APBB2: variants seen among roughly 807,000 people sequenced by gnomAD.
APBB2 encodes the protein amyloid beta precursor protein binding family B member 2.
APBB2 carries 38 observed loss-of-function variants against 82.5 expected under a neutral mutation model. That is an observed-to-expected ratio of 0.46 (90% CI 0.36 to 0.60). The LOEUF is 0.60. Among genes scored for constraint, APBB2 ranks in the 20% least tolerant of loss-of-function variants. APBB2 has a pLI of 0.00. For missense variants in APBB2, 772 were observed against 972.3 expected (o/e 0.79, Z 2.74); for synonymous variants, 341 against 368.2 (o/e 0.93, Z 0.85).
intron 12 of APBB2, among the ~76,000 whole-genome samples, chr4:40,843,376 C>T (rs1756521976): frequency 1.3e-5 from 2 of 152,174 alleles, no homozygotes; most frequent in African/African-American, 4.8e-5. Context: ...GGAAGAGCTG[C>T]TCACCCTGAG....
intron 1 of APBB2, among the ~76,000 whole-genome samples, chr4:41,144,437 T>C (rs1386884074): frequency 6.6e-6 from 1 of 152,266 alleles, no homozygotes; most frequent in Non-Finnish European, 1.5e-5. Flanking sequence ...AATGGAAAGC[T>C]ATTTGTATTT....
At chr4:40,951,643 T>C (rs1790200915) in intron 6 of APBB2, among the ~76,000 whole-genome samples, 1 of 152,232 alleles carries the variant, frequency 6.6e-6, no homozygotes. Flanking sequence ...GATGCACATC[T>C]GTAAAACAGG....
chr4:41,193,027 C>A (rs970882436), intron 1 of APBB2, among the ~76,000 whole-genome samples: 1 of 152,148 alleles, frequency 6.6e-6, no homozygotes, highest in Non-Finnish European at 1.5e-5. Flanking sequence ...TGACAATGAA[C>A]GTGTTCACAG....
At chr4:41,175,018 T>C (rs557275214) in intron 1 of APBB2, among the ~76,000 whole-genome samples, 1 of 152,128 alleles carries the variant, frequency 6.6e-6, no homozygotes, top group Admixed American at 6.6e-5. Context: ...CATCCCTCTA[T>C]AAGATCAGTT....
chr4:41,065,501 A>G (rs1262545007), intron 4 of APBB2, 75 bp downstream of exon 4: 1 of 152,168 alleles, frequency 6.6e-6, no homozygotes, highest in Admixed American at 6.5e-5. Flanking sequence ...GCTTTTACCA[A>G]TTCAGTACTC....
intron 12 of APBB2, among the ~76,000 whole-genome samples, chr4:40,834,407 T>A (rs963502095): frequency 7.9e-5 from 12 of 152,334 alleles, no homozygotes; most frequent in African/African-American, 2.9e-4. Flanking sequence ...GTGGAGCGAC[T>A]TCATCTATGG....
chr4:41,110,948 G>C (rs1748987393), intron 2 of APBB2, among the ~76,000 whole-genome samples: 1 of 152,170 alleles, frequency 6.6e-6, no homozygotes, highest in African/African-American at 2.4e-5. Context: ...ACAACTCACT[G>C]TAATGTAGAA....
At chr4:40,891,810 C>G (rs1560810716) in intron 11 of APBB2, among the ~76,000 whole-genome samples, 1 of 152,156 alleles carries the variant, frequency 6.6e-6, no homozygotes, top group Non-Finnish European at 1.5e-5. Flanking sequence ...ATGGCTCCTC[C>G]AAAGGTCAGT....
chr4:41,207,586 C>A (rs567500161), intron 1 of APBB2, among the ~76,000 whole-genome samples: 23 of 151,756 alleles, frequency 1.5e-4, no homozygotes, highest in Non-Finnish European at 2.9e-4. Context: ...TCCCTTACAC[C>A]CTCATCTTTC....
At chr4:41,141,304 A>ATGTGTGTGTCTGTGTGTG (rs11272084) in intron 2 of APBB2, among the ~76,000 whole-genome samples, 51 of 146,700 alleles carry the variant, frequency 3.5e-4, no homozygotes, top group African/African-American at 1.3e-3. Context: ...GGTCAAAAAT[A>ATGTGTGTGTCTGTGTGTG]TGTGTGTGTC....
intron 3 of APBB2, among the ~76,000 whole-genome samples, chr4:41,077,212 T>G (rs565418866): frequency 6.7e-6 from 1 of 148,978 alleles, no homozygotes; most frequent in African/African-American, 2.5e-5. Flanking sequence ...GGACTCACTA[T>G]GTTGCCCAGA....
At chr4:40,871,174 CT>C (rs34100916) in intron 12 of APBB2, among the ~76,000 whole-genome samples, 23,228 of 152,102 alleles carry the variant, frequency 0.15, 1,990 homozygotes, top group Middle Eastern at 0.2. Flanking sequence ...CAGAGTCTCA[CT>C]CTGTTGCCCA....
intron 1 of APBB2, among the ~76,000 whole-genome samples, chr4:41,147,908 A>G (rs1004359751): frequency 1.3e-5 from 2 of 152,162 alleles, no homozygotes; most frequent in Non-Finnish European, 1.5e-5. Flanking sequence ...AGGGCTGTGA[A>G]AATTTGTTTA....
At chr4:41,110,441 A>G (rs947198110) in intron 2 of APBB2, among the ~76,000 whole-genome samples, 8 of 152,068 alleles carry the variant, frequency 5.3e-5, no homozygotes, top group Non-Finnish European at 8.8e-5. Context: ...CATCTCTACT[A>G]AAAATATAAA....
chr4:41,092,794 G>C (rs1275327106), intron 3 of APBB2, among the ~76,000 whole-genome samples: 1 of 151,828 alleles, frequency 6.6e-6, no homozygotes, highest in Non-Finnish European at 1.5e-5. Context: ...AAATATCACC[G>C]GCCTCTGTTC....
At position 41,040,292 on chromosome 4, in the gene APBB2, A is replaced by T. The variant is rs545376577; in HGVS notation, c.-50-6988T>A. On this transcript the variant is annotated intron_variant, in intron 4 of 17. Coordinates refer to ENST00000508593, the MANE Select transcript of APBB2 (RefSeq NM_004307.2). ...TACAAAAACATACCGATTCCCTCTT[A>T]CTTTAAGGTTTTAAACATTTTCCCC... 3.3e-5 allele frequency among the ~76,000 whole-genome samples: 5 copies of T among 152,288 alleles called. No homozygotes were observed. In the East Asian group the frequency reaches 9.6e-4, roughly 29 times the overall value.
intron 10 of APBB2, among the ~76,000 whole-genome samples, chr4:40,930,472 CGT>C (rs1277329068): frequency 3.5e-4 from 49 of 140,884 alleles, no homozygotes; most frequent in African/African-American, 1.3e-3. Flanking sequence ...CGCGCGTGCG[CGT>C]GCGCGTATGC....
intron 6 of APBB2, among the ~76,000 whole-genome samples, chr4:40,995,683 T>C (rs1393179983): frequency 6.6e-6 from 1 of 151,956 alleles, no homozygotes; most frequent in Non-Finnish European, 1.5e-5. Context: ...GACGCCAGCA[T>C]GTGCCACTAT....
rs1232789365 is a variant in APBB2 at position 40,880,296 on chromosome 4, C to T, written c.1529+10068G>A. The T allele has an allele frequency of 5.1e-6, 5 of 985,318 alleles. No homozygotes were observed. In the African/African-American group the frequency reaches 7.0e-5, roughly 14 times the overall value. The allele number at this position is 985,318 out of a possible 1,614,324, so 61.0% of individuals were successfully genotyped here. ...TTCCACCTGATGTTCTCAAATTCTT[C>T]TTTCCCAGTGACGAACTGTGCTGCA... On this transcript the variant is annotated intron_variant, in intron 12 of 17. Transcript: ENST00000508593.
Sources: allele counts gnomAD v4.1 joint callset (sites outside exome capture counted in the v4.1 genomes callset), GRCh38; gene constraint gnomAD v4.1.1; transcripts MANE v1.5; gene names NCBI Gene and HGNC (gene_info 2026-07-23, HGNC 2026-07-21).